The following RALY variants were observed in gnomAD, a reference collection of about 807,000 sequenced individuals.
RALY encodes the protein RNA-binding protein Raly.
Under a neutral mutation model 30.7 loss-of-function variants are expected in RALY, and 15 were observed. That is an observed-to-expected ratio of 0.49 (90% CI 0.33 to 0.75). The LOEUF (loss-of-function observed/expected upper bound fraction) is 0.75, where lower values mean the gene tolerates loss of function less well. Ranked by LOEUF, RALY falls within the 30% of genes least tolerant of loss-of-function variation. The pLI is 0.02. For missense variants in RALY, 339 were observed against 414.3 expected (o/e 0.82, Z 1.58); for synonymous variants, 177 against 170.8 (o/e 1.04, Z -0.28).
chr20:34,046,874 C>T (rs2123155657), intron 2 of RALY, among the ~76,000 whole-genome samples: 1 of 136,990 alleles, frequency 7.3e-6, no homozygotes, highest in East Asian at 2.2e-4. Flanking sequence ...GGCTGGAGTG[C>T]AATGGTGTGA....
rs577212182 is a variant in RALY, at chr20:33,993,979, G to C, written c.-245G>C. On this transcript the variant is annotated 5_prime_UTR_variant, in exon 1 of 10. Coordinates refer to ENST00000246194, the MANE Select transcript of RALY (RefSeq NM_016732.3). ...GGAACCCAGAGAAGCTGAGGGGGCGGTAGCGGCGGCGACGGCGACGACGAC... is the reference window on the plus strand; with the variant it reads ...GGAACCCAGAGAAGCTGAGGGGGCGCTAGCGGCGGCGACGGCGACGACGAC... 3 of 152,094 alleles carry C rather than the reference G, an allele frequency of 2.0e-5. No homozygotes were observed. The highest frequency in any genetic ancestry group is 4.4e-5 in the Non-Finnish European group (3 of 67,928). 9.4% of individuals were successfully genotyped at this position (152,094 alleles called of 1,614,324 possible). A position where few individuals can be genotyped will look rare whatever the true frequency, so the allele number is the denominator to read the frequency against.
chr20:34,035,423 T>C (rs1450094636), intron 2 of RALY, among the ~76,000 whole-genome samples: 2 of 152,186 alleles, frequency 1.3e-5, no homozygotes, highest in African/African-American at 4.8e-5. Flanking sequence ...GGTGGTGATA[T>C]TCTTATTTTA....
intron 2 of RALY, among the ~76,000 whole-genome samples, chr20:34,037,704 A>G (rs1007185414): frequency 1.3e-5 from 2 of 152,246 alleles, no homozygotes; most frequent in African/African-American, 4.8e-5. Context: ...TGGATAGTGT[A>G]CAAATGTACA....
In RALY at chr20:34,072,102, G is replaced by A; in HGVS notation, c.28G>A (p.Val10Ile). ...GTCCTTGAAGCTTCAGGCAAGCAAT[G>A]TAACCAACAAGAATGACCCCAAGTC... is the stretch of plus-strand genomic sequence containing the variant. MSLKLQASNVTNKNDPKSIN... is the reference protein window; with the variant it reads MSLKLQASNITNKNDPKSIN... The change falls in exon 3 of 10, where the codon GTA becomes ATA. Residue 10 changes from valine (V) to isoleucine (I), a missense_variant. Val to Ile is a conservative substitution (Grantham distance 29). This residue lies in a region of RALY where 71 missense variants were observed against 133.7 expected (regional missense o/e 0.53). Coordinates refer to ENST00000246194, the MANE Select transcript of RALY (RefSeq NM_016732.3). 4 of 1,614,192 alleles carry A rather than the reference G, an allele frequency of 2.5e-6. No individual in the cohort carries two copies. The highest frequency in any genetic ancestry group is 1.7e-6 in the Non-Finnish European group (2 of 1,180,030).
At chr20:34,078,081 G>T (rs552159102) in intron 8 of RALY, among the ~76,000 whole-genome samples, 14 of 152,344 alleles carry the variant, frequency 9.2e-5, no homozygotes, top group Non-Finnish European at 2.1e-4. Flanking sequence ...CGGTTAGGAG[G>T]TCTGCCTTAT....
At chr20:34,051,949 C>T (rs537974798) in intron 2 of RALY, among the ~76,000 whole-genome samples, 1 of 152,286 alleles carries the variant, frequency 6.6e-6, no homozygotes, top group African/African-American at 2.4e-5. Flanking sequence ...AATAAATTCT[C>T]ATTAACCAGA....
intron 1 of RALY, among the ~76,000 whole-genome samples, chr20:34,021,118 C>T (rs1011067062): frequency 3.3e-5 from 5 of 152,034 alleles, no homozygotes; most frequent in Admixed American, 6.5e-5. Flanking sequence ...TGCACCACCA[C>T]GCCTGGCTAA....
At chr20:34,077,554 A>G (rs988200339) in intron 8 of RALY, 3 of 480,940 alleles carry the variant, frequency 6.2e-6, no homozygotes, top group Non-Finnish European at 1.1e-5. Context: ...CACGGCCTGC[A>G]GAGCTTCAGA....
At chr20:34,058,986 C>A (rs974079543) in intron 2 of RALY, among the ~76,000 whole-genome samples, 1 of 151,890 alleles carries the variant, frequency 6.6e-6, no homozygotes, top group Non-Finnish European at 1.5e-5. Flanking sequence ...ATGTTGTTAC[C>A]AGGGAGACAA....
chr20:34,022,038 A>G (rs796776091), intron 1 of RALY, among the ~76,000 whole-genome samples: 6 of 150,626 alleles, frequency 4.0e-5, no homozygotes, highest in African/African-American at 1.5e-4. Flanking sequence ...GATTACAGGC[A>G]TGAGCCACCA....
intron 2 of RALY, among the ~76,000 whole-genome samples, chr20:34,063,344 GC>G (rs2033471600): frequency 6.6e-6 from 1 of 152,144 alleles, no homozygotes; most frequent in Non-Finnish European, 1.5e-5. Flanking sequence ...GTGGATGGGG[GC>G]TCAGTGGGAG....
chr20:34,035,152 CAAAAAAAAAAAAAAAAAAAAAAA>C (rs61301033), intron 2 of RALY, among the ~76,000 whole-genome samples: 5 of 32,512 alleles, frequency 1.5e-4, no homozygotes, highest in Non-Finnish European at 4.5e-4. Context: ...GACTCCATCT[CAAAAAAAAAAAAAAAAAAAAAAA>C]AAAAAAAAAA....
Position 34,083,482 on chromosome 20 carries a change from A to G in RALY, c.*3577A>G, listed in dbSNP as rs1271897062. On this transcript the variant is annotated 3_prime_UTR_variant, in exon 10 of 10. Transcript: ENST00000246194. ...GTATCTTTTGGCCAAAGTAAGTCAC[A>G]TGGCTAAGCCCAAATTCTTCTTAAC... 1.3e-5 allele frequency: 2 copies of G among 152,244 alleles called. No individual in the cohort carries two copies. Among genetic ancestry groups the G allele is most frequent in the African/African-American group, 2.4e-5 (1 of 41,460 alleles). The allele number at this position is 152,244 out of a possible 1,614,324, so 9.4% of individuals were successfully genotyped here. A position where few individuals can be genotyped will look rare whatever the true frequency, so the allele number is the denominator to read the frequency against.
chr20:34,077,136 C>T lies in RALY; in HGVS notation c.767C>T (p.Pro256Leu), dbSNP rs1177301766. The change falls in exon 8 of 10, where the codon CCA (proline) becomes CTA (leucine). Residue 256 changes from proline (P) to leucine (L), a missense_variant. Around this residue, in one of 2 missense-constraint regions of RALY, gnomAD observed 268 missense variants for 280.6 expected, o/e 0.95. Transcript: ENST00000246194. Reference protein sequence around the residue: ...GGGGGGSSRPPAPQENTTSEA... With the variant: ...GGGGGGSSRPLAPQENTTSEA... ...GGTGGCGGTGGCAGCAGCCGGCCAC[C>T]AGCCCCCCAAGAGAACACAACTTCT... 2 of 1,611,444 alleles carry T rather than the reference C, an allele frequency of 1.2e-6. No homozygotes were observed. Among genetic ancestry groups the T allele is most frequent in the African/African-American group, 2.7e-5 (2 of 75,002 alleles).
chr20:34,006,439 G>A (rs778793680), intron 1 of RALY, among the ~76,000 whole-genome samples: 42 of 152,138 alleles, frequency 2.8e-4, no homozygotes, highest in Admixed American at 2.1e-3. Flanking sequence ...TCAAATGTTC[G>A]ATTGTTTTGT....
chr20:34,060,405 A>G (rs986846486), intron 2 of RALY, among the ~76,000 whole-genome samples: 2 of 152,226 alleles, frequency 1.3e-5, no homozygotes, highest in Non-Finnish European at 2.9e-5. Flanking sequence ...TCCAAAATCT[A>G]TAATCTGAAA....
chr20:34,078,676 C>A, intron 9 of RALY, 123 bp downstream of exon 9: 2 of 902,456 alleles, frequency 2.2e-6, no homozygotes, highest in Non-Finnish European at 1.5e-6. Flanking sequence ...CTGACTATAC[C>A]CAAGAATGAA....
intron 2 of RALY, among the ~76,000 whole-genome samples, chr20:34,038,568 C>T (rs938570217): frequency 1.3e-5 from 2 of 152,158 alleles, no homozygotes; most frequent in African/African-American, 4.8e-5. Context: ...CCTCCCATAT[C>T]CCCAATTAAC....
Position 34,082,754 on chromosome 20 carries a change from C to G in RALY, c.*2849C>G, listed in dbSNP as rs1340274913. 1 of 152,208 alleles carries G rather than the reference C, an allele frequency of 6.6e-6. No individual in the cohort carries two copies. The highest frequency in any genetic ancestry group is 6.5e-5 in the Admixed American group (1 of 15,280). The allele number at this position is 152,208 out of a possible 1,614,324, so 9.4% of individuals were successfully genotyped here. ...GGCTTCTAACAGTGCATACACATGC[C>G]CTTCCTCTGAGTCGGGGCAGCAAAA... On this transcript the variant is annotated 3_prime_UTR_variant, in exon 10 of 10. Coordinates refer to ENST00000246194, the MANE Select transcript of RALY (RefSeq NM_016732.3).
Sources: gnomAD v4.1 joint callset for allele counts (sites outside exome capture counted in the v4.1 genomes callset) on GRCh38, gnomAD v4.1.1 for gene constraint, gnomAD v4.1.1 regional missense constraint, MANE v1.5 for transcripts, NCBI Gene and HGNC (gene_info 2026-07-23, HGNC 2026-07-21) for gene names.